Variants in SYT9 observed in about 807,000 individuals in gnomAD.
SYT9 encodes the protein synaptotagmin 9, also known as synaptotagmin-9.
SYT9 carries 22 observed loss-of-function variants against 48.4 expected under a neutral mutation model. The observed-to-expected ratio is 0.45, with a 90% confidence interval of 0.32 to 0.65. The LOEUF (loss-of-function observed/expected upper bound fraction) is 0.65. Among genes scored for constraint, SYT9 ranks in the 30% least tolerant of loss-of-function variants. The pLI, the probability that SYT9 is intolerant of heterozygous loss-of-function variation, is 0.03. For synonymous variants in SYT9, 265 were observed against 245.0 expected (o/e 1.08, Z -0.76); for missense variants, 577 against 622.0 (o/e 0.93, Z 0.77).
At chr11:7,394,285 A>G (rs1846701342) in intron 3 of SYT9, among the ~76,000 whole-genome samples, 1 of 152,206 alleles carries the variant, frequency 6.6e-6, no homozygotes. Flanking sequence ...TACAAAGGAC[A>G]TGAACTCATC....
intron 3 of SYT9, among the ~76,000 whole-genome samples, chr11:7,345,212 G>A (rs78115097): frequency 0.013 from 1,964 of 152,248 alleles, 45 homozygotes; most frequent in African/African-American, 0.046. Flanking sequence ...AGACTCCCAA[G>A]TCCGTTTCCT....
intron 1 of SYT9, among the ~76,000 whole-genome samples, chr11:7,300,594 G>C (rs1376883834): frequency 6.6e-6 from 1 of 152,238 alleles, no homozygotes; most frequent in Admixed American, 6.5e-5. Flanking sequence ...TCTCCTAGCA[G>C]TGTCTGTGTC....
chr11:7,276,361 C>A (rs921168327), intron 1 of SYT9, among the ~76,000 whole-genome samples: 3 of 152,160 alleles, frequency 2.0e-5, no homozygotes, highest in Non-Finnish European at 2.9e-5. Context: ...TTTTTAACCA[C>A]CCAAATCCAG....
At chr11:7,402,647 C>T (rs1239759004) in intron 3 of SYT9, among the ~76,000 whole-genome samples, 2 of 152,102 alleles carry the variant, frequency 1.3e-5, no homozygotes, top group African/African-American at 4.8e-5. Context: ...ACAGTCACTT[C>T]AGCTTTCTTT....
At chr11:7,356,426 G>T (rs142702379) in intron 3 of SYT9, among the ~76,000 whole-genome samples, 19 of 152,164 alleles carry the variant, frequency 1.2e-4, no homozygotes, top group South Asian at 2.1e-4. Context: ...ACCTGTGCCT[G>T]GCTTGGGGGC....
intron 1 of SYT9, among the ~76,000 whole-genome samples, chr11:7,262,820 T>A (rs1466698845): frequency 6.6e-6 from 1 of 151,468 alleles, no homozygotes; most frequent in Non-Finnish European, 1.5e-5. Context: ...GGGAGAGGAA[T>A]TGGGGCAGTA....
At chr11:7,256,916 C>T (rs1209293721) in intron 1 of SYT9, among the ~76,000 whole-genome samples, 2 of 152,076 alleles carry the variant, frequency 1.3e-5, no homozygotes, top group African/African-American at 2.4e-5. Flanking sequence ...TCAAGAAAAG[C>T]TTTTTCTAGG....
At chr11:7,413,168 T>A (rs995461823) in intron 3 of SYT9, among the ~76,000 whole-genome samples, 5 of 152,182 alleles carry the variant, frequency 3.3e-5, no homozygotes, top group Admixed American at 6.5e-5. Context: ...CATAGGTAGG[T>A]AGTTGTGCAG....
intron 6 of SYT9, among the ~76,000 whole-genome samples, chr11:7,431,444 C>T (rs1202875619): frequency 1.3e-5 from 2 of 152,118 alleles, no homozygotes; most frequent in African/African-American, 2.4e-5. Flanking sequence ...TACCGTGTGG[C>T]AGTAAAAGAA....
chr11:7,328,978 A>G (rs572638984), intron 3 of SYT9, among the ~76,000 whole-genome samples: 1 of 152,296 alleles, frequency 6.6e-6, no homozygotes, highest in Non-Finnish European at 1.5e-5. Context: ...TCTGTGCCAT[A>G]CTTCGAGACT....
At chr11:7,369,384 T>C (rs1366071423) in intron 3 of SYT9, among the ~76,000 whole-genome samples, 2 of 152,164 alleles carry the variant, frequency 1.3e-5, no homozygotes, top group African/African-American at 4.8e-5. Flanking sequence ...ATTAGACCTT[T>C]GTCAGATAGG....
chr11:7,254,278 CT>C lies in SYT9; in HGVS notation c.145+1950del, dbSNP rs539531529. ...GAAGTAGCCCCATGCCCCTGTGGCTCTTTGGTTTTTGTTGGAAAGTAGCCAG... is the reference window on the plus strand; with the variant it reads ...GAAGTAGCCCCATGCCCCTGTGGCTCTTGGTTTTTGTTGGAAAGTAGCCAG... On this transcript the variant is annotated intron_variant, in intron 1 of 6. Transcript: ENST00000318881. Among the ~76,000 whole-genome samples, 15 of 152,272 alleles carry C rather than the reference CT, an allele frequency of 9.9e-5. No individual in the cohort carries two copies. The South Asian group carries it at 3.1e-3, about 32-fold the overall frequency.
At chr11:7,314,230 G>A (rs772364855) in intron 3 of SYT9, 9 of 529,608 alleles carry the variant, frequency 1.7e-5, no homozygotes, top group South Asian at 7.8e-5. Context: ...TCTGTCCTCC[G>A]TACCACATTT....
At chr11:7,441,768 C>G (rs1432592186) in intron 6 of SYT9, 1 of 152,186 alleles carries the variant, frequency 6.6e-6, no homozygotes. Context: ...AAACTGGCTC[C>G]TTACACATCA....
At chr11:7,409,011 C>T (rs1474696644) in intron 3 of SYT9, among the ~76,000 whole-genome samples, 5 of 152,118 alleles carry the variant, frequency 3.3e-5, no homozygotes, top group African/African-American at 1.2e-4. Flanking sequence ...TTCATACTAA[C>T]ATTCAGTATG....
At chr11:7,379,448 T>C (rs1850517728) in intron 3 of SYT9, among the ~76,000 whole-genome samples, 1 of 152,086 alleles carries the variant, frequency 6.6e-6, no homozygotes, top group African/African-American at 2.4e-5. Flanking sequence ...GGTCTCTCAG[T>C]CTCCGTATCT....
rs113887814 is a variant in SYT9 at position 7,431,133 on chromosome 11, G to A, written c.1467+10498G>A. ...TGACCAATATGCTGATAGTAATATG[G>A]ACAGTGAAGTCCAGACTGATGAGAC... On this transcript the variant is annotated intron_variant, in intron 6 of 6. Coordinates refer to ENST00000318881, the MANE Select transcript of SYT9 (RefSeq NM_175733.4). 7.5e-3 allele frequency among the ~76,000 whole-genome samples: 1,135 copies of A among 152,330 alleles called. 2 individuals carry two copies. Among genetic ancestry groups the A allele is most frequent in the Middle Eastern group, 0.01 (3 of 294 alleles).
intron 3 of SYT9, among the ~76,000 whole-genome samples, chr11:7,342,615 C>A (rs187534235): frequency 1.9e-4 from 29 of 152,320 alleles, no homozygotes; most frequent in Admixed American, 1.5e-3. Context: ...CTTTCGTGGG[C>A]TGGCATTAAG....
chr11:7,432,170 T>C (rs1455494259), intron 6 of SYT9, among the ~76,000 whole-genome samples: 4 of 152,188 alleles, frequency 2.6e-5, no homozygotes, highest in Non-Finnish European at 5.9e-5. Flanking sequence ...GGGGCAGAGC[T>C]GCCCAAGGCC....
Sources: gnomAD v4.1 joint callset for allele counts (sites outside exome capture counted in the v4.1 genomes callset) on GRCh38, gnomAD v4.1.1 for gene constraint, MANE v1.5 for transcripts, NCBI Gene and HGNC (gene_info 2026-07-23, HGNC 2026-07-21) for gene names.